CTIF: variants seen among roughly 807,000 people sequenced by gnomAD.
CTIF encodes CBP80/20-dependent translation initiation factor.
Under a neutral mutation model 66.0 loss-of-function variants are expected in CTIF, and 21 were observed. The observed-to-expected ratio is 0.32, with a 90% CI of 0.23 to 0.46. The LOEUF (loss-of-function observed/expected upper bound fraction) is 0.46, where lower values mean the gene tolerates loss of function less well. Ranked by LOEUF, CTIF falls within the 20% of genes least tolerant of loss-of-function variation. The pLI is 1.00. For missense variants in CTIF, 739 were observed against 812.7 expected, an observed-to-expected ratio of 0.91 and a Z score of 1.10; for synonymous variants, 345 against 326.4, an observed-to-expected ratio of 1.06 and a Z score of -0.62.
chr18:48,840,676 T>A (rs1007500247), intron 10 of CTIF, among the ~76,000 whole-genome samples: 5 of 152,142 alleles, frequency 3.3e-5, no homozygotes, highest in African/African-American at 1.2e-4. Flanking sequence ...AGCACAATGC[T>A]AATTATGCCC....
At chr18:48,741,083 G>A (rs1267917316) in intron 7 of CTIF, among the ~76,000 whole-genome samples, 7 of 152,222 alleles carry the variant, frequency 4.6e-5, no homozygotes, top group Admixed American at 4.6e-4. Context: ...TGTGTTCTTA[G>A]AATAGTGCCT....
At position 48,552,424 on chromosome 18, in the gene CTIF, T is replaced by C. The variant is rs182965406; in HGVS notation, c.-29+13112T>C. On this transcript the variant is annotated intron_variant, in intron 1 of 11. Coordinates refer to ENST00000256413, the MANE Select transcript of CTIF (RefSeq NM_014772.3). ...CTATAGCAAAATACCATAGACTGAGTAGCTTATGAACAGGAGAAACTTATT... is the reference window on the plus strand; with the variant it reads ...CTATAGCAAAATACCATAGACTGAGCAGCTTATGAACAGGAGAAACTTATT... 2.3e-4 allele frequency among the ~76,000 whole-genome samples: 35 copies of C among 152,304 alleles called. No individual in the cohort carries two copies. The East Asian group carries it at 6.0e-3, about 26-fold the overall frequency.
intron 1 of CTIF, among the ~76,000 whole-genome samples, chr18:48,552,361 A>C (rs2088905090): frequency 6.6e-6 from 1 of 152,238 alleles, no homozygotes; most frequent in Non-Finnish European, 1.5e-5. Flanking sequence ...AACTGTGTGG[A>C]AATTTCTGGA....
intron 9 of CTIF, among the ~76,000 whole-genome samples, chr18:48,803,931 G>C (rs548430190): frequency 6.6e-6 from 1 of 152,316 alleles, no homozygotes; most frequent in South Asian, 2.1e-4. Context: ...AGAGAGGGGA[G>C]AGAAGGGAGG....
intron 7 of CTIF, among the ~76,000 whole-genome samples, chr18:48,736,927 C>T (rs1426323958): frequency 1.3e-5 from 2 of 152,134 alleles, no homozygotes; most frequent in Non-Finnish European, 2.9e-5. Context: ...TTCACACAGC[C>T]GTGAACTCCC....
In CTIF at chr18:48,740,510, C is replaced by G. The variant is rs183516250; in HGVS notation, c.585-17409C>G. Among the ~76,000 whole-genome samples, 4 of 152,370 alleles carry G rather than the reference C, an allele frequency of 2.6e-5. No individual in the cohort carries two copies. In the East Asian group the frequency reaches 7.7e-4, roughly 29 times the overall value. ...ACTGTCCTTTCTCCAGAAACCTCAC[C>G]CAGGCTGCAAGTCCCAGATCTGCTC... On this transcript the variant is annotated intron_variant, in intron 7 of 11. Coordinates refer to ENST00000256413, the MANE Select transcript of CTIF (RefSeq NM_014772.3).
chr18:48,655,297 T>TAAAAAAAAAAAAA (rs35564462), intron 3 of CTIF, among the ~76,000 whole-genome samples: 1 of 106,242 alleles, frequency 9.4e-6, no homozygotes, highest in African/African-American at 4.6e-5. Context: ...AGAGCAAGAC[T>TAAAAAAAAAAAAA]AAAAAAAAAA....
intron 9 of CTIF, among the ~76,000 whole-genome samples, chr18:48,763,229 G>A (rs1909184500): frequency 6.6e-6 from 1 of 152,244 alleles, no homozygotes; most frequent in Non-Finnish European, 1.5e-5. Context: ...GTTCTAGACA[G>A]TGGTTGCCAG....
intron 9 of CTIF, among the ~76,000 whole-genome samples, chr18:48,770,998 C>G (rs931227203): frequency 4.6e-5 from 7 of 152,100 alleles, no homozygotes; most frequent in Non-Finnish European, 8.8e-5. Flanking sequence ...TTCCATTTCC[C>G]CCCCCTACGC....
chr18:48,776,223 G>A (rs1910657416), intron 9 of CTIF, among the ~76,000 whole-genome samples: 1 of 152,236 alleles, frequency 6.6e-6, no homozygotes. Context: ...TTGTAGGAGA[G>A]GGTAGGGATG....
Position 48,774,477 on chromosome 18 carries a change from G to C in CTIF, c.1371+12788G>C, listed in dbSNP as rs149133590. ...TCAGGGAAAAACAGCGGCCTCTTTG[G>C]GGGGGACAGGGAGGAACCTGCAGGG... On this transcript the variant is annotated intron_variant, in intron 9 of 11. Coordinates refer to ENST00000256413, the MANE Select transcript of CTIF (RefSeq NM_014772.3). Among the ~76,000 whole-genome samples, 33 of 151,244 alleles carry C rather than the reference G, an allele frequency of 2.2e-4. No homozygotes were observed. In the East Asian group the frequency reaches 2.5e-3, roughly 12 times the overall value.
At chr18:48,693,497 C>T (rs1207355639) in intron 6 of CTIF, among the ~76,000 whole-genome samples, 2 of 152,168 alleles carry the variant, frequency 1.3e-5, no homozygotes, top group South Asian at 2.1e-4. Context: ...ACTGAGCAAC[C>T]AGGGCTGAGA....
intron 1 of CTIF, among the ~76,000 whole-genome samples, chr18:48,570,034 A>G (rs970396188): frequency 2.6e-5 from 4 of 152,320 alleles, no homozygotes; most frequent in African/African-American, 9.6e-5. Context: ...ACCTGCAAAC[A>G]TTTTACCTCC....
At chr18:48,733,286 G>A (rs1044403866) in intron 7 of CTIF, among the ~76,000 whole-genome samples, 2 of 152,156 alleles carry the variant, frequency 1.3e-5, no homozygotes, top group Non-Finnish European at 2.9e-5. Flanking sequence ...CAGAGTGGAA[G>A]TGAAGATCAA....
intron 11 of CTIF, among the ~76,000 whole-genome samples, chr18:48,858,408 G>A (rs2069378629): frequency 6.6e-6 from 1 of 152,262 alleles, no homozygotes; most frequent in African/African-American, 2.4e-5. Flanking sequence ...GGGGGAATTA[G>A]GGAGAAGGAG....
intron 6 of CTIF, among the ~76,000 whole-genome samples, chr18:48,678,985 G>T (rs1165304805): frequency 1.3e-5 from 2 of 152,224 alleles, no homozygotes; most frequent in Admixed American, 6.5e-5. Context: ...GACTGCATTT[G>T]TGCCACAGCC....
At chr18:48,839,586 G>A (rs1490410239) in intron 10 of CTIF, among the ~76,000 whole-genome samples, 1 of 152,160 alleles carries the variant, frequency 6.6e-6, no homozygotes, top group Non-Finnish European at 1.5e-5. Flanking sequence ...GACACAGAGG[G>A]GTTGCCTGTA....
chr18:48,822,994 A>C (rs1456487092), intron 10 of CTIF, among the ~76,000 whole-genome samples: 1 of 152,168 alleles, frequency 6.6e-6, no homozygotes, highest in East Asian at 1.9e-4. Context: ...TTCTTAGACT[A>C]GTTTTAAATT....
chr18:48,790,323 G>T (rs572937270), intron 9 of CTIF, among the ~76,000 whole-genome samples: 329 of 152,376 alleles, frequency 2.2e-3, no homozygotes, highest in African/African-American at 7.3e-3. Flanking sequence ...TGTCCAACAG[G>T]CAGGGAGTGT....
Sources: gnomAD v4.1 joint callset for allele counts (sites outside exome capture counted in the v4.1 genomes callset) on GRCh38, gnomAD v4.1.1 for gene constraint, MANE v1.5 for transcripts, NCBI Gene and HGNC (gene_info 2026-07-23, HGNC 2026-07-21) for gene names.